Variants in CADPS observed in about 807,000 individuals in gnomAD.
The protein encoded by CADPS is calcium dependent secretion activator, also known as calcium-dependent secretion activator 1.
Under a neutral mutation model 167.3 loss-of-function variants are expected in CADPS, and 57 were observed. The observed-to-expected ratio is 0.34, with a 90% CI of 0.28 to 0.42. The LOEUF is 0.42. Among genes scored for constraint, CADPS ranks in the 20% least tolerant of loss-of-function variants. CADPS has a pLI of 1.00. For missense variants in CADPS, 1,414 were observed against 1,738.1 expected (o/e 0.81, Z 3.32); for synonymous variants, 676 against 635.3 (o/e 1.06, Z -0.96).
chr3:62,780,505 G>C (rs996490416), intron 1 of CADPS, among the ~76,000 whole-genome samples: 4 of 152,156 alleles, frequency 2.6e-5, no homozygotes, highest in Non-Finnish European at 5.9e-5. Flanking sequence ...TGTGTAACAA[G>C]CTTGGAGAAT....
chr3:62,605,034 A>G (rs551225644), intron 6 of CADPS, among the ~76,000 whole-genome samples: 38 of 152,326 alleles, frequency 2.5e-4, no homozygotes, highest in African/African-American at 8.2e-4. Flanking sequence ...CCCATAAATA[A>G]CTGGGAGACT....
intron 3 of CADPS, among the ~76,000 whole-genome samples, chr3:62,702,300 A>T (rs1014535153): frequency 2.0e-5 from 3 of 152,162 alleles, no homozygotes; most frequent in African/African-American, 7.2e-5. Context: ...TATAAGCCAA[A>T]GATTGTGGGA....
intron 3 of CADPS, among the ~76,000 whole-genome samples, chr3:62,712,358 C>T (rs533768081): frequency 9.2e-5 from 14 of 152,284 alleles, no homozygotes; most frequent in South Asian, 4.1e-4. Flanking sequence ...CTTGCTAACA[C>T]GGATATTGGT....
rs778826103 is a variant in CADPS, at chr3:62,609,220, CT to C, written c.1326-16473del. ...AGTTGATCTTTTTTCAGTGGACCCT[CT>C]TTTTTTTTTTCTTTTTTGTGACACT... On this transcript the variant is annotated intron_variant, in intron 6 of 29. Coordinates refer to ENST00000383710, the MANE Select transcript of CADPS (RefSeq NM_003716.4). Among the ~76,000 whole-genome samples the C allele has an allele frequency of 2.5e-3, 323 of 129,268 alleles. 1 individual carries two copies. The highest frequency in any genetic ancestry group is 4.2e-3 in the Non-Finnish European group (241 of 57,392). 84.8% of individuals were successfully genotyped at this position (129,268 alleles called of 152,430 possible). A position where few individuals can be genotyped will look rare whatever the true frequency, so the allele number is the denominator to read the frequency against.
Position 62,516,661 on chromosome 3 carries a change from C to T in CADPS, c.2394-18G>A. The T allele has an allele frequency of 6.3e-7, 1 of 1,581,804 alleles. No individual in the cohort carries two copies. Among genetic ancestry groups the T allele is most frequent in the Admixed American group, 1.7e-5 (1 of 57,710 alleles). On this transcript the variant is annotated intron_variant, in intron 14 of 29. Transcript: ENST00000383710. ...AGCAATACCTAAAAAAGACAAAATT[C>T]TTCAGGTTGCCTAAATTATTACATT...
chr3:62,606,019 C>A (rs1391657292), intron 6 of CADPS, among the ~76,000 whole-genome samples: 41 of 152,150 alleles, frequency 2.7e-4, no homozygotes, highest in Admixed American at 2.7e-3. Context: ...ACTTCCTTCT[C>A]TGAGTGCCTG....
intron 6 of CADPS, among the ~76,000 whole-genome samples, chr3:62,633,552 T>C (rs2065709675): frequency 6.6e-6 from 1 of 152,088 alleles, no homozygotes; most frequent in African/African-American, 2.4e-5. Flanking sequence ...CTTCTTGCCG[T>C]AGAGTCTCAG....
chr3:62,756,431 T>C (rs1418502080), intron 2 of CADPS, among the ~76,000 whole-genome samples: 3 of 152,198 alleles, frequency 2.0e-5, no homozygotes, highest in South Asian at 4.1e-4. Context: ...GCTATCCTTT[T>C]AACTGTAATG....
chr3:62,570,184 T>C (rs762655906), intron 9 of CADPS, among the ~76,000 whole-genome samples: 7 of 151,736 alleles, frequency 4.6e-5, no homozygotes, highest in Non-Finnish European at 1.0e-4. Flanking sequence ...TCTAAATAAC[T>C]TGTGTGGAAA....
intron 3 of CADPS, among the ~76,000 whole-genome samples, chr3:62,665,222 T>G (rs938088528): frequency 1.3e-5 from 2 of 152,196 alleles, no homozygotes; most frequent in African/African-American, 4.8e-5. Context: ...CTTGAAAATT[T>G]GTAATATGTC....
rs775215525 is a variant in CADPS at position 62,765,888 on chromosome 3, C to T, written c.538G>A (p.Val180Met). 2.5e-6 allele frequency: 4 copies of T among 1,611,248 alleles called. No homozygotes were observed. In the African/African-American group the frequency reaches 4.0e-5, roughly 16 times the overall value. Reference sequence around the variant, plus strand: ...ATTCTCACCTCATAGTAACTCTGCACAGCGTTCATGAAGGCTTCGTCAGCC... The same window carrying T: ...ATTCTCACCTCATAGTAACTCTGCATAGCGTTCATGAAGGCTTCGTCAGCC... ...IMADEAFMNA[V>M]QSYYEVFLKS... The change falls in exon 2 of 30, where the codon GTG becomes ATG. Residue 180 changes from valine (V) to methionine (M), a missense_variant. By Grantham distance (21) the Val-to-Met change is conservative. This residue lies in a region of CADPS where 522 missense variants were observed against 559.5 expected (regional missense o/e 0.93). Transcript: ENST00000383710.
intron 1 of CADPS, among the ~76,000 whole-genome samples, chr3:62,857,090 A>G (rs993049937): frequency 1.3e-5 from 2 of 152,094 alleles, no homozygotes; most frequent in African/African-American, 4.8e-5. Context: ...AATTTCACAA[A>G]TATGACAATG....
intron 4 of CADPS, among the ~76,000 whole-genome samples, chr3:62,653,746 G>C (rs902621791): frequency 2.6e-5 from 4 of 152,050 alleles, no homozygotes; most frequent in Non-Finnish European, 4.4e-5. Context: ...GTGAGGAGGA[G>C]GTAGATAGAT....
chr3:62,699,483 C>T (rs1010630419), intron 3 of CADPS, among the ~76,000 whole-genome samples: 6 of 152,144 alleles, frequency 3.9e-5, no homozygotes, highest in African/African-American at 1.4e-4. Context: ...AAGTAAAAAA[C>T]CCTTGGAGTC....
chr3:62,674,891 A>T (rs17066793), intron 3 of CADPS, among the ~76,000 whole-genome samples: 2 of 152,156 alleles, frequency 1.3e-5, no homozygotes, highest in South Asian at 4.1e-4. Flanking sequence ...TCCCATGTCA[A>T]TCATAAGCAA....
intron 21 of CADPS, among the ~76,000 whole-genome samples, chr3:62,483,717 C>T (rs2150901803): frequency 6.6e-6 from 1 of 152,200 alleles, no homozygotes; most frequent in African/African-American, 2.4e-5. Context: ...TTTTATGTGT[C>T]TCTGTTTAAA....
intron 6 of CADPS, among the ~76,000 whole-genome samples, chr3:62,610,636 G>T (rs1253550328): frequency 1.3e-5 from 2 of 152,114 alleles, no homozygotes; most frequent in Non-Finnish European, 2.9e-5. Context: ...GTCATAATCA[G>T]CTTACCATTA....
chr3:62,548,273 T>C (rs1188958076), intron 11 of CADPS, among the ~76,000 whole-genome samples: 1 of 152,212 alleles, frequency 6.6e-6, no homozygotes, highest in East Asian at 1.9e-4. Flanking sequence ...TTATCTTGAC[T>C]AATAACTATT....
intron 3 of CADPS, among the ~76,000 whole-genome samples, chr3:62,716,620 C>A (rs2084687727): frequency 6.8e-6 from 1 of 147,328 alleles, no homozygotes; most frequent in Non-Finnish European, 1.5e-5. Context: ...ATATCAAAAC[C>A]AAACCTTTAA....
Sources: allele counts gnomAD v4.1 joint callset (sites outside exome capture counted in the v4.1 genomes callset), GRCh38; gene constraint gnomAD v4.1.1; regional missense constraint gnomAD v4.1.1; transcripts MANE v1.5; gene names NCBI Gene and HGNC (gene_info 2026-07-23, HGNC 2026-07-21).